Variants in SNX29 observed in about 807,000 individuals in gnomAD.
SNX29 encodes the protein sorting nexin 29, also known as sorting nexin-29.
SNX29 carries 78 observed loss-of-function variants against 102.1 expected under a neutral mutation model. The observed-to-expected ratio is 0.76, with a 90% CI of 0.64 to 0.92. The LOEUF is 0.92. Ranked by LOEUF, SNX29 falls within the 40% of genes least tolerant of loss-of-function variation. The pLI is 0.00. For synonymous variants in SNX29, 580 were observed against 414.5 expected, an observed-to-expected ratio of 1.40 and a Z score of -4.85; for missense variants, 1,280 against 1,061.7, an observed-to-expected ratio of 1.21 and a Z score of -2.86.
chr16:12,344,858 C>T (rs941266365), intron 15 of SNX29, among the ~76,000 whole-genome samples: 1 of 152,206 alleles, frequency 6.6e-6, no homozygotes, highest in African/African-American at 2.4e-5. Flanking sequence ...TGCAAGCCAG[C>T]CTGTAACCAC....
Position 12,118,319 on chromosome 16 carries a change from T to C in SNX29, c.1403-8314T>C, listed in dbSNP as rs1213319288. Among the ~76,000 whole-genome samples the C allele has an allele frequency of 3.0e-5, 4 of 133,658 alleles. No individual in the cohort carries two copies. The East Asian group carries it at 7.5e-4, about 25-fold the overall frequency. The allele number at this position is 133,658 out of a possible 152,430, so 87.7% of individuals were successfully genotyped here. Reference sequence around the variant, plus strand: ...TAGTAGATATACAGACCACCTTTTTTTTTTTTTTTTTTTTTTTATGAGATG... The same window carrying C: ...TAGTAGATATACAGACCACCTTTTTCTTTTTTTTTTTTTTTTTATGAGATG... On this transcript the variant is annotated intron_variant, in intron 11 of 20. Transcript: ENST00000566228.
chr16:12,273,763 C>T (rs2079162144), intron 14 of SNX29, among the ~76,000 whole-genome samples: 2 of 152,190 alleles, frequency 1.3e-5, no homozygotes, highest in South Asian at 4.1e-4. Flanking sequence ...GCAGTAGGGT[C>T]TTCATCCCTC....
chr16:12,486,798 C>T (rs1023824909), intron 19 of SNX29, among the ~76,000 whole-genome samples: 1 of 152,204 alleles, frequency 6.6e-6, no homozygotes, highest in Non-Finnish European at 1.5e-5. Flanking sequence ...ACCGCTCCAC[C>T]CTTGCTTAGG....
At chr16:12,540,600 A>G (rs528754422) in intron 20 of SNX29, among the ~76,000 whole-genome samples, 10 of 152,268 alleles carry the variant, frequency 6.6e-5, no homozygotes, top group African/African-American at 1.9e-4. Context: ...TGGGACCCTG[A>G]GATTCCATGG....
chr16:12,511,904 C>T (rs927420391), intron 19 of SNX29, among the ~76,000 whole-genome samples: 1 of 151,506 alleles, frequency 6.6e-6, no homozygotes, highest in Admixed American at 6.6e-5. Context: ...AACCACTGGA[C>T]GGCGTTGGGC....
At chr16:12,258,665 C>G (rs2078645322) in intron 14 of SNX29, among the ~76,000 whole-genome samples, 1 of 152,134 alleles carries the variant, frequency 6.6e-6, no homozygotes, top group Admixed American at 6.5e-5. Context: ...GCAGCAAATG[C>G]AGTGGTGGCA....
Position 12,042,961 on chromosome 16 carries a change from C to A in SNX29, c.312C>A (p.Ser104=). Residue 104 remains serine, a synonymous_variant, in exon 5 of 21, where the codon TCC becomes TCA. Transcript: ENST00000566228. Reference sequence around the variant, plus strand: ...AGCACGAGCTGCAGCGCTTCTACTCCCTGCGCCACATCGCCTCAGACGTGG... The same window carrying A: ...AGCACGAGCTGCAGCGCTTCTACTCACTGCGCCACATCGCCTCAGACGTGG... ...LNKHELQRFY[S]LRHIASDVGR... The A allele has an allele frequency of 1.9e-6, 3 of 1,613,906 alleles. No homozygotes were observed. Among genetic ancestry groups the A allele is most frequent in the Non-Finnish European group, 2.5e-6 (3 of 1,179,854 alleles).
chr16:12,528,252 T>C (rs1597753590), intron 20 of SNX29, among the ~76,000 whole-genome samples: 2 of 152,086 alleles, frequency 1.3e-5, no homozygotes, highest in South Asian at 4.1e-4. Flanking sequence ...CAGGCTGGAG[T>C]GCAGTGGCAC....
chr16:12,542,557 C>G (rs1158083712), intron 20 of SNX29, among the ~76,000 whole-genome samples: 1 of 152,302 alleles, frequency 6.6e-6, no homozygotes, highest in East Asian at 1.9e-4. Flanking sequence ...ATCTTGAACT[C>G]CTGACCTCAA....
At chr16:12,499,499 C>G (rs1009017769) in intron 19 of SNX29, among the ~76,000 whole-genome samples, 2 of 152,182 alleles carry the variant, frequency 1.3e-5, no homozygotes, top group African/African-American at 2.4e-5. Flanking sequence ...GGCCACATAG[C>G]TCTGCACTGG....
chr16:12,443,669 T>G (rs2085910782), intron 18 of SNX29, among the ~76,000 whole-genome samples: 1 of 152,242 alleles, frequency 6.6e-6, no homozygotes, highest in Non-Finnish European at 1.5e-5. Context: ...CAGGCTGGTC[T>G]CAAACTCCCG....
At chr16:12,566,415 C>CCT (rs1289171206) in intron 20 of SNX29, among the ~76,000 whole-genome samples, 1 of 50,434 alleles carries the variant, frequency 2.0e-5, no homozygotes, top group Non-Finnish European at 4.0e-5. Flanking sequence ...GAGCCTGTTA[C>CCT]CTCCAGGGCC....
At chr16:12,180,158 T>C (rs2076349822) in intron 13 of SNX29, among the ~76,000 whole-genome samples, 1 of 152,158 alleles carries the variant, frequency 6.6e-6, no homozygotes, top group Non-Finnish European at 1.5e-5. Flanking sequence ...TCTATCCCTT[T>C]CTTCATATCC....
At chr16:12,454,968 G>A (rs1267231973) in intron 18 of SNX29, among the ~76,000 whole-genome samples, 2 of 152,126 alleles carry the variant, frequency 1.3e-5, no homozygotes, top group Non-Finnish European at 1.5e-5. Flanking sequence ...AAGTGGTCTC[G>A]AACTCCTGAC....
In SNX29 at chr16:12,175,895, A is replaced by G. The variant is rs145999289; in HGVS notation, c.1596-23706A>G. Among the ~76,000 whole-genome samples the G allele has an allele frequency of 3.1e-3, 477 of 152,240 alleles. 11 individuals carry two copies. Among genetic ancestry groups the G allele is most frequent in the Admixed American group, 0.029 (448 of 15,272 alleles). On this transcript the variant is annotated intron_variant, in intron 13 of 20. Coordinates refer to ENST00000566228, the MANE Select transcript of SNX29 (RefSeq NM_032167.5). ...ATGGACTACCCTTGTAGTCCTAGCT[A>G]CTTGGAAGGCTGAGGCAGGGAGATT...
At chr16:12,148,998 G>A (rs1455910947) in intron 13 of SNX29, among the ~76,000 whole-genome samples, 3 of 152,132 alleles carry the variant, frequency 2.0e-5, no homozygotes, top group Non-Finnish European at 1.5e-5. Flanking sequence ...CACCACGCCC[G>A]GCCTGCCTTC....
At chr16:12,444,212 G>A (rs74970405) in intron 18 of SNX29, among the ~76,000 whole-genome samples, 1 of 151,156 alleles carries the variant, frequency 6.6e-6, no homozygotes, top group African/African-American at 2.4e-5. Flanking sequence ...TAAGCACTCA[G>A]TATAGCCCCT....
At chr16:12,347,127 G>T (rs148971893) in intron 15 of SNX29, among the ~76,000 whole-genome samples, 1 of 152,092 alleles carries the variant, frequency 6.6e-6, no homozygotes, top group Non-Finnish European at 1.5e-5. Context: ...GCTTGTTGCA[G>T]AGGTGATCAA....
chr16:12,529,094 A>C (rs1258664236), intron 20 of SNX29, among the ~76,000 whole-genome samples: 1 of 152,220 alleles, frequency 6.6e-6, no homozygotes, highest in Non-Finnish European at 1.5e-5. Flanking sequence ...AAGAATCGGG[A>C]GGTTGAGTTT....
Sources: gnomAD v4.1 joint callset for allele counts (sites outside exome capture counted in the v4.1 genomes callset) on GRCh38, gnomAD v4.1.1 for gene constraint, MANE v1.5 for transcripts, NCBI Gene and HGNC (gene_info 2026-07-23, HGNC 2026-07-21) for gene names.